PELI1: variants seen among roughly 807,000 people sequenced by gnomAD.
PELI1 encodes E3 ubiquitin-protein ligase pellino homolog 1.
A neutral mutation model predicts 41.3 loss-of-function variants in PELI1; 15 were observed. The observed-to-expected ratio is 0.36, with a 90% CI of 0.24 to 0.56. PELI1 has a LOEUF of 0.56. PELI1 is among the 20% of genes least tolerant of loss of function. PELI1 has a pLI of 0.82. For missense variants in PELI1, 403 were observed against 525.5 expected, an observed-to-expected ratio of 0.77 and a Z score of 2.28; for synonymous variants, 178 against 180.1, an observed-to-expected ratio of 0.99 and a Z score of 0.09.
intron 1 of PELI1, among the ~76,000 whole-genome samples, chr2:64,141,311 C>CA (rs1009761649): frequency 5.0e-5 from 7 of 141,084 alleles, no homozygotes; most frequent in Non-Finnish European, 1.1e-4. Context: ...CCCGCCCCCA[C>CA]CCCAAAGGAG....
chr2:64,133,102 C>T (rs1681604832), intron 1 of PELI1, among the ~76,000 whole-genome samples: 1 of 152,130 alleles, frequency 6.6e-6, no homozygotes, highest in Non-Finnish European at 1.5e-5. Context: ...ATTTCACTAA[C>T]CTGAGGTCTG....
intron 6 of PELI1, 103 bp from the exon 7 acceptor site, chr2:64,095,371 T>A (rs936061874): frequency 7.4e-6 from 5 of 674,396 alleles, no homozygotes; most frequent in Non-Finnish European, 1.3e-5. Context: ...TGAGGTTTCC[T>A]AGGATTTTCA....
chr2:64,115,697 G>A (rs1201484223), intron 1 of PELI1, among the ~76,000 whole-genome samples: 4 of 152,058 alleles, frequency 2.6e-5, no homozygotes, highest in Non-Finnish European at 5.9e-5. Context: ...AGCTACCAGA[G>A]GTAAAGTGGT....
At chr2:64,121,710 A>T (rs1279239070) in intron 1 of PELI1, among the ~76,000 whole-genome samples, 2 of 152,216 alleles carry the variant, frequency 1.3e-5, no homozygotes, top group African/African-American at 4.8e-5. Flanking sequence ...GTTCGAGACC[A>T]GCCTGGCCAA....
At position 64,093,838 on chromosome 2, in the gene PELI1, A is replaced by G. The variant is rs1041525506; in HGVS notation, c.*864T>C. On this transcript the variant is annotated 3_prime_UTR_variant, in exon 7 of 7. Coordinates refer to ENST00000358912, the MANE Select transcript of PELI1 (RefSeq NM_020651.4). ...TAGAAACAGTGAACAGATGAACCAC[A>G]GTTTATATCCAAAAAATAAACTTGC... The G allele has an allele frequency of 7.9e-5, 12 of 152,678 alleles. No individual in the cohort carries two copies. Among genetic ancestry groups the G allele is most frequent in the African/African-American group, 2.7e-4 (11 of 41,456 alleles). 9.5% of individuals were successfully genotyped at this position (152,678 alleles called of 1,614,324 possible).
At chr2:64,124,027 A>C (rs550514350) in intron 1 of PELI1, among the ~76,000 whole-genome samples, 2 of 152,368 alleles carry the variant, frequency 1.3e-5, no homozygotes, top group South Asian at 4.1e-4. Context: ...TAAGTGAAAG[A>C]AGTCAGTCAC....
chr2:64,113,632 T>A (rs975888751), intron 1 of PELI1, among the ~76,000 whole-genome samples: 3 of 152,098 alleles, frequency 2.0e-5, no homozygotes, highest in African/African-American at 4.8e-5. Flanking sequence ...TAAAAAAAAA[T>A]TTTAAAATAA....
intron 1 of PELI1, among the ~76,000 whole-genome samples, chr2:64,130,337 G>A (rs1462834464): frequency 6.6e-6 from 1 of 152,050 alleles, no homozygotes; most frequent in African/African-American, 2.4e-5. Context: ...AAATGAAACT[G>A]AATATGTAAT....
At chr2:64,130,027 T>C (rs959262812) in intron 1 of PELI1, among the ~76,000 whole-genome samples, 1 of 152,222 alleles carries the variant, frequency 6.6e-6, no homozygotes, top group African/African-American at 2.4e-5. Context: ...GTAGAAAGCT[T>C]CTCATTTGAT....
Position 64,118,396 on chromosome 2 carries a change from A to C in PELI1, c.-69-10017T>G, listed in dbSNP as rs147119287. 3.9e-5 allele frequency among the ~76,000 whole-genome samples: 6 copies of C among 152,336 alleles called. 1 individual carries two copies. The highest frequency in any genetic ancestry group is 1.4e-4 in the African/African-American group (6 of 41,582). ...TACTGCCTTCTCACAAATAGATTAG[A>C]AAACTGGATCCAAAACAATCATACA... On this transcript the variant is annotated intron_variant, in intron 1 of 6. Coordinates refer to ENST00000358912, the MANE Select transcript of PELI1 (RefSeq NM_020651.4).
At chr2:64,123,774 A>G (rs1287658767) in intron 1 of PELI1, among the ~76,000 whole-genome samples, 4 of 152,236 alleles carry the variant, frequency 2.6e-5, no homozygotes, top group African/African-American at 7.2e-5. Flanking sequence ...CATGTGACTC[A>G]GGAATTCAAT....
chr2:64,098,393 CCTG>C (rs1441010224), intron 4 of PELI1, among the ~76,000 whole-genome samples: 5 of 152,158 alleles, frequency 3.3e-5, no homozygotes, highest in African/African-American at 9.7e-5. Context: ...AGCCGAATTT[CCTG>C]CTATTTGTGT....
At chr2:64,120,549 T>C (rs561899708) in intron 1 of PELI1, among the ~76,000 whole-genome samples, 31 of 152,376 alleles carry the variant, frequency 2.0e-4, no homozygotes, top group Middle Eastern at 6.8e-3. Context: ...AGCCCTAAAG[T>C]GTTCAACCCT....
chr2:64,116,378 C>T (rs1404920459), intron 1 of PELI1, among the ~76,000 whole-genome samples: 1 of 152,158 alleles, frequency 6.6e-6, no homozygotes, highest in Non-Finnish European at 1.5e-5. Flanking sequence ...CTAGGTTTAA[C>T]CATTAAAGTC....
rs1680187124 is a variant in PELI1 at position 64,095,125 on chromosome 2, T to C, written c.834A>G (p.Ala278=). Reference sequence around the variant, plus strand: ...TGAACCCTACAGGGCACTGAGGTCGTGCTGCATTGATTTCCTGTCTTAAAG... The same window carrying C: ...TGAACCCTACAGGGCACTGAGGTCGCGCTGCATTGATTTCCTGTCTTAAAG... ...LEALRQEINA[A]RPQCPVGFNT... The change falls in exon 7 of 7, where the codon GCA becomes GCG. Residue 278 remains alanine (A), a synonymous_variant. Transcript: ENST00000358912. 6.2e-7 allele frequency: 1 copy of C among 1,614,110 alleles called. No homozygotes were observed.
chr2:64,116,777 C>G (rs1310185955), intron 1 of PELI1, among the ~76,000 whole-genome samples: 1 of 152,198 alleles, frequency 6.6e-6, no homozygotes. Context: ...TTCGCAGATA[C>G]TGTGTTTTTT....
intron 1 of PELI1, among the ~76,000 whole-genome samples, chr2:64,122,054 C>G (rs936903594): frequency 6.6e-6 from 1 of 151,880 alleles, no homozygotes; most frequent in South Asian, 2.1e-4. Flanking sequence ...CTTTTTGCTT[C>G]TCATATATGC....
chr2:64,133,400 A>G (rs1266705893), intron 1 of PELI1, among the ~76,000 whole-genome samples: 1 of 152,158 alleles, frequency 6.6e-6, no homozygotes, highest in African/African-American at 2.4e-5. Flanking sequence ...TGGAGCTGGA[A>G]GAGACCCAAT....
rs1558490182 is a variant in PELI1 at position 64,140,810 on chromosome 2, A to AAAAAAAAAAAAAAC, written c.-70+3270_-70+3271insGTTTTTTTTTTTTT. ...TGCAAAAAAAAAAAACAAACAAACA[A>AAAAAAAAAAAAAAC]AAAAAAACCTAGGGGCAGAACTTGA... On this transcript the variant is annotated intron_variant, in intron 1 of 6. Transcript: ENST00000358912. Among the ~76,000 whole-genome samples, 10 of 147,118 alleles carry AAAAAAAAAAAAAAC rather than the reference A, an allele frequency of 6.8e-5. 1 individual carries two copies. Among genetic ancestry groups the AAAAAAAAAAAAAAC allele is most frequent in the African/African-American group, 2.5e-4 (10 of 39,360 alleles).
Sources: allele counts gnomAD v4.1 joint callset (sites outside exome capture counted in the v4.1 genomes callset), GRCh38; gene constraint gnomAD v4.1.1; transcripts MANE v1.5; gene names NCBI Gene and HGNC (gene_info 2026-07-23, HGNC 2026-07-21).